MDFIC2: variants seen among roughly 807,000 people sequenced by gnomAD.
MDFIC2 encodes the protein myoD family inhibitor domain-containing protein 2.
At chr3:70,278,805 C>G (rs973432212) in intron 2 of MDFIC2, among the ~76,000 whole-genome samples, 1 of 151,892 alleles carries the variant, frequency 6.6e-6, no homozygotes, top group Non-Finnish European at 1.5e-5. Context: ...GTTTCCTATG[C>G]CTCAGATTCT....
chr3:70,209,813 A>G (rs1701325619), intron 2 of MDFIC2, among the ~76,000 whole-genome samples: 1 of 152,108 alleles, frequency 6.6e-6, no homozygotes, highest in African/African-American at 2.4e-5. Context: ...AGCCTTGCAA[A>G]TAGCTGGGTT....
intron 2 of MDFIC2, among the ~76,000 whole-genome samples, chr3:70,216,597 A>C (rs1559537273): frequency 6.6e-6 from 1 of 152,030 alleles, no homozygotes; most frequent in African/African-American, 2.4e-5. Flanking sequence ...CTAGATAGAG[A>C]TTTTTTAAGT....
At chr3:70,253,971 AT>A (rs1701791700) in intron 2 of MDFIC2, among the ~76,000 whole-genome samples, 1 of 152,212 alleles carries the variant, frequency 6.6e-6, no homozygotes, top group Non-Finnish European at 1.5e-5. Flanking sequence ...GTGGCATAAT[AT>A]AGCTAGCTCA....
chr3:70,267,052 A>C (rs1701922627), intron 2 of MDFIC2, among the ~76,000 whole-genome samples: 1 of 152,186 alleles, frequency 6.6e-6, no homozygotes, highest in Non-Finnish European at 1.5e-5. Context: ...CCTTCTGAGC[A>C]ATGTCGTGCC....
At chr3:70,284,064 T>C (rs1415606846) in intron 2 of MDFIC2, among the ~76,000 whole-genome samples, 1 of 152,144 alleles carries the variant, frequency 6.6e-6, no homozygotes, top group East Asian at 1.9e-4. Flanking sequence ...TGGAATGAAC[T>C]TGGTTTTAAA....
chr3:70,271,134 A>AT (rs1701972694), intron 2 of MDFIC2, among the ~76,000 whole-genome samples: 1 of 152,182 alleles, frequency 6.6e-6, no homozygotes, highest in Non-Finnish European at 1.5e-5. Flanking sequence ...TGCAAAAGTC[A>AT]TTGTGGTTTT....
At chr3:70,234,607 T>C (rs1260608481) in intron 2 of MDFIC2, among the ~76,000 whole-genome samples, 1 of 150,430 alleles carries the variant, frequency 6.6e-6, no homozygotes, top group Non-Finnish European at 1.5e-5. Flanking sequence ...GCCACTGTAC[T>C]CCAGCCTGGG....
At chr3:70,218,508 CT>C (rs574918851) in intron 2 of MDFIC2, among the ~76,000 whole-genome samples, 20 of 152,178 alleles carry the variant, frequency 1.3e-4, no homozygotes, top group African/African-American at 4.8e-4. Flanking sequence ...CTTTTGCTTC[CT>C]TTCGGTACCC....
intron 2 of MDFIC2, among the ~76,000 whole-genome samples, chr3:70,226,269 C>T (rs558618756): frequency 3.3e-5 from 5 of 152,220 alleles, no homozygotes; most frequent in East Asian, 1.9e-4. Flanking sequence ...CCTCTGCTTT[C>T]GGAATTTGCT....
chr3:70,205,772 T>C (rs929416023), intron 3 of MDFIC2: 1 of 152,146 alleles, frequency 6.6e-6, no homozygotes, highest in African/African-American at 2.4e-5. Context: ...TATTTAAATG[T>C]AGACCAGAAA....
At chr3:70,258,621 C>T (rs1388553489) in intron 2 of MDFIC2, among the ~76,000 whole-genome samples, 4 of 152,244 alleles carry the variant, frequency 2.6e-5, no homozygotes, top group Non-Finnish European at 4.4e-5. Context: ...TATTCATATG[C>T]TCTGACTTAG....
intron 2 of MDFIC2, among the ~76,000 whole-genome samples, chr3:70,252,913 C>G (rs1280565172): frequency 1.3e-5 from 2 of 152,132 alleles, no homozygotes; most frequent in South Asian, 2.1e-4. Context: ...AACCCCCTCT[C>G]TACTAAAAAT....
At chr3:70,204,636 G>A (rs1283931299) in intron 3 of MDFIC2, 1 of 151,784 alleles carries the variant, frequency 6.6e-6, no homozygotes, top group African/African-American at 2.4e-5. Flanking sequence ...TTTGAATGAA[G>A]AGTAGTCAGC....
At chr3:70,245,668 G>GC in intron 2 of MDFIC2, among the ~76,000 whole-genome samples, 1 of 81,234 alleles carries the variant, frequency 1.2e-5, no homozygotes, top group Non-Finnish European at 2.4e-5. Context: ...TTTGCAAACT[G>GC]CTTTATATAT....
At chr3:70,304,546 G>A (rs1459975208) in intron 2 of MDFIC2, among the ~76,000 whole-genome samples, 1 of 151,970 alleles carries the variant, frequency 6.6e-6, no homozygotes, top group African/African-American at 2.4e-5. Context: ...CTAAAGCCGG[G>A]GGTCAGCCTT....
intron 2 of MDFIC2, among the ~76,000 whole-genome samples, chr3:70,226,476 G>A (rs540473275): frequency 2.6e-5 from 4 of 152,232 alleles, no homozygotes; most frequent in South Asian, 4.2e-4. Context: ...AGTGGCTCAC[G>A]CCTGTAATCC....
At chr3:70,311,581 T>G (rs770674367) in intron 2 of MDFIC2, among the ~76,000 whole-genome samples, 4 of 152,116 alleles carry the variant, frequency 2.6e-5, no homozygotes, top group African/African-American at 4.8e-5. Flanking sequence ...AGGAGAAAAA[T>G]CTACAGCACT....
At chr3:70,262,710 G>T (rs1191679260) in intron 2 of MDFIC2, among the ~76,000 whole-genome samples, 1 of 152,128 alleles carries the variant, frequency 6.6e-6, no homozygotes, top group Non-Finnish European at 1.5e-5. Flanking sequence ...CTTGCTTGGG[G>T]TTATTGGAGA....
chr3:70,304,637 A>G (rs1207815205), intron 2 of MDFIC2, among the ~76,000 whole-genome samples: 1 of 152,124 alleles, frequency 6.6e-6, no homozygotes, highest in African/African-American at 2.4e-5. Flanking sequence ...CTAAAATTCA[A>G]TTATTTCTAT....
Sources: allele counts gnomAD v4.1 joint callset (sites outside exome capture counted in the v4.1 genomes callset), GRCh38; gene constraint gnomAD v4.1.1; transcripts MANE v1.5; gene names NCBI Gene and HGNC (gene_info 2026-07-23, HGNC 2026-07-21).